Variants in ANO4 observed in about 807,000 individuals in gnomAD.
ANO4 encodes anoctamin 4.
Under a neutral mutation model 141.9 loss-of-function variants are expected in ANO4, and 69 were observed. That is an observed-to-expected ratio of 0.49 (90% CI 0.40 to 0.59). The LOEUF (loss-of-function observed/expected upper bound fraction) is 0.59. ANO4 is among the 20% of genes least tolerant of loss of function. The pLI is 0.00. For synonymous variants in ANO4, 350 were observed against 394.3 expected (o/e 0.89, Z 1.33); for missense variants, 894 against 1,162.2 (o/e 0.77, Z 3.36).
intron 1 of ANO4, among the ~76,000 whole-genome samples, chr12:100,850,801 T>C (rs1430147953): frequency 6.6e-6 from 1 of 152,182 alleles, no homozygotes; most frequent in Non-Finnish European, 1.5e-5. Flanking sequence ...ATCTTGATTA[T>C]ATAGATTTCT....
chr12:100,723,886 A>G (rs1212995912), intron 1 of ANO4, among the ~76,000 whole-genome samples: 2 of 152,182 alleles, frequency 1.3e-5, no homozygotes. Context: ...GGATTTTTCT[A>G]CTAGAATGTA....
chr12:100,892,041 C>T (rs2040133517), intron 1 of ANO4, among the ~76,000 whole-genome samples: 1 of 152,128 alleles, frequency 6.6e-6, no homozygotes, highest in African/African-American at 2.4e-5. Context: ...TTAATGTCCT[C>T]CAGGTTCATC....
At chr12:100,966,225 C>G (rs1038107696) in intron 5 of ANO4, among the ~76,000 whole-genome samples, 2 of 152,170 alleles carry the variant, frequency 1.3e-5, no homozygotes, top group African/African-American at 4.8e-5. Context: ...GATGTGGCCC[C>G]TCTTGGAGAT....
chr12:100,766,983 A>G, intron 3 of ANO4, among the ~76,000 whole-genome samples: 1 of 151,968 alleles, frequency 6.6e-6, no homozygotes, highest in East Asian at 1.9e-4. Context: ...GTCTCTTGTG[A>G]CAGTTTGTGA....
chr12:100,854,162 G>A (rs921110644), intron 1 of ANO4, among the ~76,000 whole-genome samples: 1 of 152,084 alleles, frequency 6.6e-6, no homozygotes, highest in African/African-American at 2.4e-5. Context: ...ATTCTAAAGT[G>A]ATAGTTATTT....
intron 1 of ANO4, among the ~76,000 whole-genome samples, chr12:100,894,117 C>T (rs2040227688): frequency 6.6e-6 from 1 of 152,106 alleles, no homozygotes; most frequent in African/African-American, 2.4e-5. Context: ...TGGCTTTAGA[C>T]ATAATTGTAA....
chr12:101,020,212 T>A, intron 9 of ANO4, 72 bp downstream of exon 9: 1 of 1,054,056 alleles, frequency 9.5e-7, no homozygotes, highest in Non-Finnish European at 1.4e-6. Flanking sequence ...TTGGTTTTAT[T>A]AAGTTTGTAT....
intron 1 of ANO4, among the ~76,000 whole-genome samples, chr12:100,815,818 G>A (rs1263612621): frequency 6.6e-6 from 1 of 151,862 alleles, no homozygotes; most frequent in Non-Finnish European, 1.5e-5. Context: ...CAACATGAAA[G>A]TCTTTTGAGG....
At chr12:100,998,958 T>C (rs1258017165) in intron 8 of ANO4, among the ~76,000 whole-genome samples, 1 of 152,190 alleles carries the variant, frequency 6.6e-6, no homozygotes. Flanking sequence ...ATTATCCCCA[T>C]TTTTACAGAG....
chr12:100,984,551 C>T (rs956946487), intron 7 of ANO4, among the ~76,000 whole-genome samples: 5 of 152,202 alleles, frequency 3.3e-5, no homozygotes, highest in African/African-American at 1.2e-4. Context: ...TTTTATGAGC[C>T]CACTAACCAC....
chr12:100,805,813 T>C lies in ANO4; in HGVS notation c.-141+10786T>C, dbSNP rs984460976. On this transcript the variant is annotated intron_variant, in intron 1 of 27. Transcript: ENST00000392977. Reference sequence around the variant, plus strand: ...TTTTTTATTCAGTCTCTTAGATAGTTATTATAATTTGGAATTTACTTAGAT... The same window carrying C: ...TTTTTTATTCAGTCTCTTAGATAGTCATTATAATTTGGAATTTACTTAGAT... Among the ~76,000 whole-genome samples the C allele has an allele frequency of 2.6e-5, 4 of 152,160 alleles. 1 individual carries two copies. The highest frequency in any genetic ancestry group is 2.0e-4 in the Admixed American group (3 of 15,268).
intron 1 of ANO4, among the ~76,000 whole-genome samples, chr12:100,853,822 C>T (rs1206469560): frequency 6.6e-6 from 1 of 152,130 alleles, no homozygotes; most frequent in Non-Finnish European, 1.5e-5. Flanking sequence ...TACCATTTAA[C>T]TACAATCTTC....
intron 1 of ANO4, among the ~76,000 whole-genome samples, chr12:100,823,053 A>AG (rs1434200328): frequency 2.0e-5 from 3 of 152,064 alleles, no homozygotes; most frequent in African/African-American, 4.8e-5. Flanking sequence ...CTGAAAAAAA[A>AG]TCAGATATTT....
chr12:100,863,341 G>A (rs1227080398), intron 1 of ANO4, among the ~76,000 whole-genome samples: 3 of 152,154 alleles, frequency 2.0e-5, no homozygotes, highest in African/African-American at 7.2e-5. Context: ...GAAAAAGGGT[G>A]ACCAGTTAGA....
At chr12:100,850,883 A>AT (rs1369380933) in intron 1 of ANO4, among the ~76,000 whole-genome samples, 2 of 152,106 alleles carry the variant, frequency 1.3e-5, no homozygotes, top group East Asian at 3.8e-4. Context: ...AAAATTACAT[A>AT]TTTTTTCAGG....
chr12:100,808,526 A>G (rs1301054093), intron 1 of ANO4, among the ~76,000 whole-genome samples: 3 of 152,214 alleles, frequency 2.0e-5, no homozygotes, highest in African/African-American at 7.2e-5. Flanking sequence ...CACACAGGGT[A>G]TATGTTCCCA....
intron 24 of ANO4, among the ~76,000 whole-genome samples, chr12:101,112,811 C>T (rs1231746362): frequency 6.6e-6 from 1 of 152,184 alleles, no homozygotes. Context: ...TTTGAAAAGG[C>T]TTCTGTAAAG....
intron 9 of ANO4, among the ~76,000 whole-genome samples, chr12:101,036,080 A>G (rs369445923): frequency 2.0e-4 from 31 of 152,278 alleles, no homozygotes; most frequent in East Asian, 1.7e-3. Flanking sequence ...AAAACACACA[A>G]ATGGCCAACA....
At chr12:100,810,504 G>A (rs2135702195) in intron 1 of ANO4, among the ~76,000 whole-genome samples, 1 of 152,274 alleles carries the variant, frequency 6.6e-6, no homozygotes, top group Middle Eastern at 3.4e-3. Context: ...CTCACCTGCT[G>A]CTGTGTGGAG....
Sources: allele counts gnomAD v4.1 joint callset (sites outside exome capture counted in the v4.1 genomes callset), GRCh38; gene constraint gnomAD v4.1.1; transcripts MANE v1.5; gene names NCBI Gene and HGNC (gene_info 2026-07-23, HGNC 2026-07-21).